The following SLC27A6 variants were observed in gnomAD, a reference collection of about 807,000 sequenced individuals.
The protein encoded by SLC27A6 is long-chain fatty acid transport protein 6.
In SLC27A6, 74 loss-of-function variants were observed where a neutral mutation model predicts 63.9. The observed-to-expected ratio is 1.16, with a 90% CI of 0.96 to 1.40. The LOEUF is 1.40. Among genes scored for constraint, SLC27A6 ranks in the 40% most tolerant of loss-of-function variants. SLC27A6 has a pLI of 0.00. For missense variants in SLC27A6, 794 were observed against 732.9 expected (o/e 1.08, Z -0.96); for synonymous variants, 287 against 260.8 (o/e 1.10, Z -0.97).
In SLC27A6 at chr5:128,997,010, C is replaced by A. The variant is rs371090548; in HGVS notation, c.969+6546C>A. Reference sequence around the variant, plus strand: ...AATGGGCATATTAAAAATATTCTCTCATCACATTTTCATGTTCTTAGTTTC... The same window carrying A: ...AATGGGCATATTAAAAATATTCTCTAATCACATTTTCATGTTCTTAGTTTC... On this transcript the variant is annotated intron_variant, in intron 4 of 9. Transcript: ENST00000262462. Among the ~76,000 whole-genome samples the A allele has an allele frequency of 1.3e-4, 20 of 152,184 alleles. 1 individual carries two copies. Among genetic ancestry groups the A allele is most frequent in the African/African-American group, 4.8e-4 (20 of 41,538 alleles).
chr5:129,003,132 C>CGA (rs369150677), intron 4 of SLC27A6, among the ~76,000 whole-genome samples: 7 of 150,982 alleles, frequency 4.6e-5, no homozygotes, highest in South Asian at 2.1e-4. Flanking sequence ...TGCCTGTGCA[C>CGA]GAGAGAGAGA....
intron 6 of SLC27A6, among the ~76,000 whole-genome samples, chr5:129,025,825 G>A (rs1752225752): frequency 6.6e-6 from 1 of 152,078 alleles, no homozygotes; most frequent in African/African-American, 2.4e-5. Flanking sequence ...CCCAGGAGTG[G>A]GAGAAATGGG....
At chr5:128,972,011 T>C (rs1252649391) in intron 1 of SLC27A6, among the ~76,000 whole-genome samples, 2 of 152,184 alleles carry the variant, frequency 1.3e-5, no homozygotes, top group Admixed American at 1.3e-4. Context: ...TTATTTCTCC[T>C]TCACTTATGA....
intron 9 of SLC27A6, among the ~76,000 whole-genome samples, chr5:129,031,509 T>G (rs1347777295): frequency 6.6e-6 from 1 of 151,982 alleles, no homozygotes; most frequent in East Asian, 1.9e-4. Flanking sequence ...AACAATTTGG[T>G]AATATATGAT....
intron 1 of SLC27A6, among the ~76,000 whole-genome samples, chr5:128,976,446 G>A (rs561829413): frequency 3.9e-5 from 6 of 152,204 alleles, no homozygotes; most frequent in African/African-American, 9.6e-5. Flanking sequence ...CCTGGGAGGC[G>A]GAGTTTGCAG....
chr5:129,018,063 G>A (rs1022901536), intron 5 of SLC27A6, among the ~76,000 whole-genome samples: 1 of 152,016 alleles, frequency 6.6e-6, no homozygotes, highest in African/African-American at 2.4e-5. Context: ...TCTCTCCTCA[G>A]GTGTGTTTCC....
chr5:129,005,722 C>T (rs1212226457), intron 4 of SLC27A6, among the ~76,000 whole-genome samples: 4 of 148,298 alleles, frequency 2.7e-5, no homozygotes, highest in Non-Finnish European at 5.9e-5. Flanking sequence ...ACGCCATTCT[C>T]CTGCCTCAGC....
chr5:129,007,862 A>G (rs1751596862), intron 4 of SLC27A6, among the ~76,000 whole-genome samples: 1 of 152,142 alleles, frequency 6.6e-6, no homozygotes, highest in African/African-American at 2.4e-5. Context: ...CAGTTCAAAA[A>G]CAGGTGATGA....
chr5:129,029,403 T>C (rs1472820475), intron 8 of SLC27A6, among the ~76,000 whole-genome samples, 174 bp from the exon 9 acceptor site: 1 of 152,002 alleles, frequency 6.6e-6, no homozygotes, highest in African/African-American at 2.4e-5. Flanking sequence ...TTAAATGATT[T>C]CTAGGGGGTA....
At chr5:128,985,446 T>C in intron 2 of SLC27A6, 110 bp downstream of exon 2, 1 of 797,230 alleles carries the variant, frequency 1.3e-6, no homozygotes. Context: ...GAATGCATGC[T>C]TGCAAGAAGA....
intron 1 of SLC27A6, among the ~76,000 whole-genome samples, chr5:128,981,194 G>T (rs1750573078): frequency 6.6e-6 from 1 of 152,068 alleles, no homozygotes; most frequent in East Asian, 1.9e-4. Flanking sequence ...AAATCCAGCT[G>T]TCTGGCTGGG....
chr5:129,017,084 T>C (rs1751921528), intron 5 of SLC27A6, among the ~76,000 whole-genome samples: 1 of 152,212 alleles, frequency 6.6e-6, no homozygotes, highest in Admixed American at 6.5e-5. Flanking sequence ...AGTAACCTTC[T>C]ATAATAAGAA....
chr5:128,981,817 C>CTTTTCTTTTCT (rs761984176), intron 1 of SLC27A6, among the ~76,000 whole-genome samples: 4,904 of 146,322 alleles, frequency 0.034, 81 homozygotes, highest in Non-Finnish European at 0.049. Context: ...CTTTTCTTTT[C>CTTTTCTTTTCT]TTTTTTTTTT....
intron 1 of SLC27A6, among the ~76,000 whole-genome samples, chr5:128,976,551 AG>A (rs1162369254): frequency 6.6e-6 from 1 of 151,972 alleles, no homozygotes; most frequent in African/African-American, 2.4e-5. Flanking sequence ...AAAATCCAAA[AG>A]GGCATTTATT....
At chr5:128,990,251 G>A in intron 3 of SLC27A6, 89 bp from the exon 4 acceptor site, 1 of 1,327,096 alleles carries the variant, frequency 7.5e-7, no homozygotes, top group Non-Finnish European at 1.1e-6. Context: ...GAGCAAACAT[G>A]TTCTAGACAG....
chr5:128,992,068 A>C lies in SLC27A6; in HGVS notation c.969+1604A>C, dbSNP rs116693705. Among the ~76,000 whole-genome samples, 1,393 of 151,876 alleles carry C rather than the reference A, an allele frequency of 9.2e-3. 15 individuals are homozygous for C. The highest frequency in any genetic ancestry group is 0.031 in the African/African-American group (1,291 of 41,452). ...CTTTTATTATCTGATTATTTTAAAC[A>C]TCAGATCCACATCAGCCCCTTCAAG... On this transcript the variant is annotated intron_variant, in intron 4 of 9. Coordinates refer to ENST00000262462, the MANE Select transcript of SLC27A6 (RefSeq NM_001017372.3).
intron 4 of SLC27A6, among the ~76,000 whole-genome samples, chr5:129,005,608 A>ATTTTTTTT (rs34048257): frequency 4.0e-5 from 4 of 98,916 alleles, no homozygotes; most frequent in African/African-American, 7.8e-5. Flanking sequence ...GTCTGGTTGT[A>ATTTTTTTT]TTTTTTTTTT....
intron 4 of SLC27A6, among the ~76,000 whole-genome samples, chr5:129,014,757 G>C (rs1417271609): frequency 6.6e-6 from 1 of 152,116 alleles, no homozygotes; most frequent in Non-Finnish European, 1.5e-5. Flanking sequence ...CAAGCTTTCT[G>C]CTTTCCTCAT....
intron 4 of SLC27A6, among the ~76,000 whole-genome samples, chr5:129,010,160 T>TTA (rs1751683296): frequency 6.6e-6 from 1 of 152,158 alleles, no homozygotes; most frequent in African/African-American, 2.4e-5. Flanking sequence ...CTAAATGAAA[T>TTA]TATATATATG....
Sources: gnomAD v4.1 joint callset for allele counts (sites outside exome capture counted in the v4.1 genomes callset) on GRCh38, gnomAD v4.1.1 for gene constraint, MANE v1.5 for transcripts, NCBI Gene and HGNC (gene_info 2026-07-23, HGNC 2026-07-21) for gene names.